Variants in NUTF2 observed in about 807,000 individuals in gnomAD.
NUTF2 encodes the protein placental protein 15.
In NUTF2, 3 loss-of-function variants were observed where a neutral mutation model predicts 18.5. The ratio of observed to expected loss-of-function variants is 0.16; its 90% CI spans 0.07 to 0.42. NUTF2 has a LOEUF of 0.42. NUTF2 is among the 10% of genes least tolerant of loss of function. The pLI is 0.99. For synonymous variants in NUTF2, 51 were observed against 57.9 expected (o/e 0.88, Z 0.54); for missense variants, 44 against 160.7 (o/e 0.27, Z 3.93).
At position 67,871,162 on chromosome 16, in the gene NUTF2, CTTTT is replaced by C. The variant is rs1208303500; in HGVS notation, c.*268_*271del. The C allele has an allele frequency of 2.5e-3, 382 of 150,622 alleles. No individual in the cohort carries two copies. The highest frequency in any genetic ancestry group is 3.9e-3 in the East Asian group (26 of 6,616). 9.3% of individuals were successfully genotyped at this position (150,622 alleles called of 1,614,324 possible). ...GACTTAAGTAATGCAAAAGGTTGTC[CTTTT>C]TTTTTTTTTTTTTTTTTTAATCTAC... On this transcript the variant is annotated 3_prime_UTR_variant, in exon 5 of 5. Coordinates refer to ENST00000219169, the MANE Select transcript of NUTF2 (RefSeq NM_005796.3).
chr16:67,870,624 G>C (rs2058004912), intron 4 of NUTF2, 176 bp from the exon 5 acceptor site: 1 of 633,292 alleles, frequency 1.6e-6, no homozygotes. Flanking sequence ...CCAGGGCATT[G>C]TTTCATACAT....
At chr16:67,850,647 A>C (rs569046311) in intron 1 of NUTF2, among the ~76,000 whole-genome samples, 1 of 152,182 alleles carries the variant, frequency 6.6e-6, no homozygotes, top group East Asian at 1.9e-4. Context: ...TCCAGGATCT[A>C]TCTGCATCCT....
At chr16:67,866,655 TG>T (rs760160408) in intron 2 of NUTF2, among the ~76,000 whole-genome samples, 8 of 151,938 alleles carry the variant, frequency 5.3e-5, no homozygotes, top group South Asian at 4.2e-4. Context: ...TTAGTAGAGA[TG>T]GGATTTCACC....
intron 1 of NUTF2, among the ~76,000 whole-genome samples, chr16:67,860,156 T>C (rs868693731): frequency 7.2e-5 from 11 of 152,086 alleles, no homozygotes; most frequent in Admixed American, 7.2e-4. Flanking sequence ...ATTTTTTGTA[T>C]TTTTAGTAGA....
intron 1 of NUTF2, among the ~76,000 whole-genome samples, chr16:67,854,028 A>T (rs1320685294): frequency 6.6e-6 from 1 of 151,668 alleles, no homozygotes; most frequent in Non-Finnish European, 1.5e-5. Context: ...TCAGCTCACT[A>T]CAGCCTCTGC....
At chr16:67,867,795 C>A (rs995110454) in intron 2 of NUTF2, among the ~76,000 whole-genome samples, 5 of 152,308 alleles carry the variant, frequency 3.3e-5, no homozygotes, top group African/African-American at 1.2e-4. Context: ...TCAAGCAATT[C>A]TCCTGCCTCA....
At chr16:67,852,296 C>T (rs928985357) in intron 1 of NUTF2, among the ~76,000 whole-genome samples, 3 of 151,248 alleles carry the variant, frequency 2.0e-5, no homozygotes, top group African/African-American at 7.3e-5. Flanking sequence ...TAGCAAGACC[C>T]TGTCTCCAAA....
chr16:67,856,045 AC>A, intron 1 of NUTF2: 1 of 763,292 alleles, frequency 1.3e-6, no homozygotes, highest in Non-Finnish European at 2.4e-6. Context: ...GCCGGCACTC[AC>A]CCACTGTTAC....
intron 1 of NUTF2, among the ~76,000 whole-genome samples, chr16:67,849,411 G>A (rs1311763870): frequency 7.0e-6 from 1 of 142,284 alleles, no homozygotes; most frequent in South Asian, 2.3e-4. Context: ...GTGCGATGTC[G>A]GCTCACTGCA....
chr16:67,847,725 G>C (rs2057816997), intron 1 of NUTF2: 1 of 152,454 alleles, frequency 6.6e-6, no homozygotes, highest in African/African-American at 2.4e-5. Flanking sequence ...CTCCTGCCGG[G>C]TAGGCCCAGC....
chr16:67,862,548 T>C (rs1027130508), intron 1 of NUTF2, among the ~76,000 whole-genome samples: 10 of 152,294 alleles, frequency 6.6e-5, no homozygotes, highest in Middle Eastern at 3.4e-3. Flanking sequence ...CAGAAAGTTA[T>C]CACAGGCCAG....
At chr16:67,849,174 G>C (rs1381665365) in intron 1 of NUTF2, among the ~76,000 whole-genome samples, 1 of 152,216 alleles carries the variant, frequency 6.6e-6, no homozygotes, top group African/African-American at 2.4e-5. Flanking sequence ...GCAATAAGGA[G>C]GGACTACCCA....
At chr16:67,853,577 C>T (rs796665153) in intron 1 of NUTF2, among the ~76,000 whole-genome samples, 45 of 152,180 alleles carry the variant, frequency 3.0e-4, no homozygotes, top group African/African-American at 8.2e-4. Context: ...AGGCTGGTCT[C>T]GAACTCCTGA....
chr16:67,849,150 G>C (rs906046791), intron 1 of NUTF2, among the ~76,000 whole-genome samples: 1 of 152,188 alleles, frequency 6.6e-6, no homozygotes, highest in South Asian at 2.1e-4. Context: ...GGCCAACTTT[G>C]CCAGTGGAGC....
chr16:67,864,480 G>A (rs1279904860), intron 1 of NUTF2, among the ~76,000 whole-genome samples: 4 of 141,218 alleles, frequency 2.8e-5, no homozygotes, highest in Non-Finnish European at 6.0e-5. Context: ...TTGCACTCCA[G>A]CCTGGGCAAC....
intron 1 of NUTF2, among the ~76,000 whole-genome samples, chr16:67,854,878 G>T (rs2057884176): frequency 6.6e-6 from 1 of 152,128 alleles, no homozygotes; most frequent in African/African-American, 2.4e-5. Flanking sequence ...GGAGGCGGAG[G>T]TTGCGGTGAG....
chr16:67,851,872 T>C (rs2057861106), intron 1 of NUTF2, among the ~76,000 whole-genome samples: 1 of 151,980 alleles, frequency 6.6e-6, no homozygotes, highest in East Asian at 1.9e-4. Flanking sequence ...GAAAATTAGC[T>C]GAGCGTGGTG....
chr16:67,858,598 A>C (rs1246611049), intron 1 of NUTF2, among the ~76,000 whole-genome samples: 2 of 152,198 alleles, frequency 1.3e-5, no homozygotes, highest in Non-Finnish European at 2.9e-5. Flanking sequence ...GCAGTTACAA[A>C]GCCCTGCGAT....
intron 2 of NUTF2, among the ~76,000 whole-genome samples, chr16:67,866,002 G>A (rs144774457): frequency 6.6e-6 from 1 of 152,316 alleles, no homozygotes; most frequent in East Asian, 1.9e-4. Flanking sequence ...ACAGGCGTGA[G>A]CCACTGCGCC....
Sources: allele counts gnomAD v4.1 joint callset (sites outside exome capture counted in the v4.1 genomes callset), GRCh38; gene constraint gnomAD v4.1.1; transcripts MANE v1.5; gene names NCBI Gene and HGNC (gene_info 2026-07-23, HGNC 2026-07-21).